EML6: variants seen among roughly 807,000 people sequenced by gnomAD.
EML6 encodes echinoderm microtubule-associated protein-like 6.
In EML6, 154 loss-of-function variants were observed where a neutral mutation model predicts 240.1. That is an observed-to-expected ratio of 0.64 (90% CI 0.56 to 0.73). The LOEUF is 0.73. Among genes scored for constraint, EML6 ranks in the 30% least tolerant of loss-of-function variants. The pLI, the probability that EML6 is intolerant of heterozygous loss-of-function variation, is 0.00. For missense variants in EML6, 2,964 were observed against 2,474.6 expected (o/e 1.20, Z -4.20); for synonymous variants, 1,148 against 899.0 (o/e 1.28, Z -4.95).
rs563384717 is a variant in EML6, at chr2:54,941,407, C to T, written c.4005-7475C>T. Among the ~76,000 whole-genome samples the T allele has an allele frequency of 1.8e-4, 27 of 152,318 alleles. No individual in the cohort carries two copies. In the Middle Eastern group the frequency reaches 0.017, roughly 96 times the overall value. ...GCATGGTGAAGTGGCACAGTGTCAA[C>T]GGCAAATGAGCAACCTGTGCTCCCA... is the stretch of plus-strand genomic sequence containing the variant. On this transcript the variant is annotated intron_variant, in intron 28 of 41. Transcript: ENST00000356458.
chr2:54,851,057 A>C (rs1347816), intron 10 of EML6, among the ~76,000 whole-genome samples: 1 of 151,852 alleles, frequency 6.6e-6, no homozygotes, highest in Non-Finnish European at 1.5e-5. Flanking sequence ...ATGCATGGGA[A>C]TGATACCTCA....
At chr2:54,854,499 T>A (rs766415867) in intron 11 of EML6, among the ~76,000 whole-genome samples, 21 of 152,242 alleles carry the variant, frequency 1.4e-4, no homozygotes, top group Non-Finnish European at 2.2e-4. Context: ...CTTTGCAAGT[T>A]TAGGCAAAGC....
intron 17 of EML6, 47 bp downstream of exon 17, chr2:54,879,687 C>T (rs1411726945): frequency 9.3e-7 from 1 of 1,076,412 alleles, no homozygotes; most frequent in Admixed American, 2.3e-5. Context: ...TACCACGGTT[C>T]AGTAAAGGTC....
chr2:54,821,442 T>C (rs963488135), intron 5 of EML6, among the ~76,000 whole-genome samples: 9 of 152,138 alleles, frequency 5.9e-5, no homozygotes, highest in Admixed American at 1.3e-4. Context: ...CGTCTAAAAT[T>C]TACAAATGTA....
rs903260317 is a variant in EML6, at chr2:54,825,642, T to C, written c.526-1924T>C. Among the ~76,000 whole-genome samples, 6 of 152,194 alleles carry C rather than the reference T, an allele frequency of 3.9e-5. 1 individual carries two copies. The highest frequency in any genetic ancestry group is 1.5e-5 in the Non-Finnish European group (1 of 68,036). ...AATGAGTTACCAGAGCTGATACCTTTTTCTGAGAAGAGAATCCGATTTGGT... is the reference window on the plus strand; with the variant it reads ...AATGAGTTACCAGAGCTGATACCTTCTTCTGAGAAGAGAATCCGATTTGGT... On this transcript the variant is annotated intron_variant, in intron 5 of 41. Coordinates refer to ENST00000356458, the MANE Select transcript of EML6 (RefSeq NM_001039753.4).
At chr2:54,918,326 A>G (rs1573140051) in intron 26 of EML6, among the ~76,000 whole-genome samples, 1 of 152,280 alleles carries the variant, frequency 6.6e-6, no homozygotes, top group African/African-American at 2.4e-5. Context: ...ATTCAGTTTT[A>G]CATTCCATTT....
intron 2 of EML6, among the ~76,000 whole-genome samples, chr2:54,801,823 G>A (rs914622355): frequency 3.9e-5 from 6 of 152,140 alleles, no homozygotes; most frequent in Non-Finnish European, 8.8e-5. Flanking sequence ...GTATTAAAAC[G>A]TCATGCCATC....
chr2:54,725,211 C>A lies in EML6; in HGVS notation c.150C>A (p.Arg50=), dbSNP rs1031350061. The change falls in exon 2 of 42, where the codon CGC becomes CGA. Residue 50 remains arginine (R), a synonymous_variant. Coordinates refer to ENST00000356458, the MANE Select transcript of EML6 (RefSeq NM_001039753.4). This position sits in a 1 kb window ranked among gnomAD's most constrained non-coding sequence, Gnocchi z 4.3. ...VAGVGVVYNT[R]EHSQKFFLGH... is the part of the protein sequence containing the mutation. ...GGGTCGGGGTGGTTTACAACACCCG[C>A]GAGCACAGCCAAAAATTCTTCCTGG... The A allele has an allele frequency of 1.3e-6, 2 of 1,499,238 alleles. No homozygotes were observed. The highest frequency in any genetic ancestry group is 2.8e-5 in the East Asian group (1 of 35,148). The allele number at this position is 1,499,238 out of a possible 1,614,324, so 92.9% of individuals were successfully genotyped here. A position where few individuals can be genotyped will look rare whatever the true frequency, so the allele number is the denominator to read the frequency against.
At chr2:54,963,008 G>C (rs1676590696) in intron 36 of EML6, among the ~76,000 whole-genome samples, 1 of 152,170 alleles carries the variant, frequency 6.6e-6, no homozygotes, top group African/African-American at 2.4e-5. Flanking sequence ...GAAATGTTCT[G>C]AAATGGGCCT....
chr2:54,734,517 C>A (rs1475106869), intron 2 of EML6, among the ~76,000 whole-genome samples: 2 of 152,142 alleles, frequency 1.3e-5, no homozygotes, highest in African/African-American at 4.8e-5. Flanking sequence ...TTTTTTATCC[C>A]CTGCTGGTCT....
chr2:54,867,772 G>C (rs4671983), intron 14 of EML6: 142,217 of 152,242 alleles, frequency 0.93, 66,549 homozygotes, highest in Middle Eastern at 0.99. Flanking sequence ...AATACCTGAA[G>C]AAGTCCTTCT....
intron 2 of EML6, among the ~76,000 whole-genome samples, chr2:54,811,753 C>G (rs1667858838): frequency 6.6e-6 from 1 of 152,182 alleles, no homozygotes; most frequent in Non-Finnish European, 1.5e-5. Context: ...TTGCAGTTTT[C>G]TGGGACATCT....
At chr2:54,915,471 G>T (rs1207562976) in intron 25 of EML6, among the ~76,000 whole-genome samples, 2 of 152,102 alleles carry the variant, frequency 1.3e-5, no homozygotes, top group Non-Finnish European at 2.9e-5. Context: ...CATCATAAGG[G>T]GTTGAGGGAC....
At position 54,960,448 on chromosome 2, in the gene EML6, A is replaced by G. The variant is rs557285372; in HGVS notation, c.4968+114A>G. On this transcript the variant is annotated intron_variant, in intron 35 of 41. Transcript: ENST00000356458. Reference sequence around the variant, plus strand: ...GTTTACTCCTTGAAACAAGGCCTCAATACATGAATTGTGCTGTAGTGGGAA... The same window carrying G: ...GTTTACTCCTTGAAACAAGGCCTCAGTACATGAATTGTGCTGTAGTGGGAA... 8.7e-5 allele frequency: 64 copies of G among 734,902 alleles called. 2 individuals are homozygous for G. The highest frequency in any genetic ancestry group is 8.3e-4 in the South Asian group (52 of 62,802). 45.5% of individuals were successfully genotyped at this position (734,902 alleles called of 1,614,324 possible).
intron 26 of EML6, among the ~76,000 whole-genome samples, chr2:54,927,318 G>A (rs1415779547): frequency 2.6e-5 from 4 of 152,202 alleles, no homozygotes; most frequent in African/African-American, 9.7e-5. Flanking sequence ...GTTTCCTGCT[G>A]TATGTCTGTG....
chr2:54,840,835 A>G (rs12713277), intron 7 of EML6, among the ~76,000 whole-genome samples: 67,843 of 152,132 alleles, frequency 0.45, 16,402 homozygotes, highest in South Asian at 0.63. Flanking sequence ...CAATAAATAC[A>G]GTAAAAGTAG....
rs1573217203 is a variant in EML6 at position 54,958,088 on chromosome 2, G to T, written c.4695+90G>T. On this transcript the variant is annotated intron_variant, in intron 33 of 41. Transcript: ENST00000356458. ...GGCAGGAGGGGAGTTTGGCCAAGAG[G>T]CTGAAAACAGCAGGAAAGCCATTTC... 1.1e-5 allele frequency: 12 copies of T among 1,131,702 alleles called. No homozygotes were observed. The East Asian group carries it at 2.8e-4, about 27-fold the overall frequency. The allele number at this position is 1,131,702 out of a possible 1,614,324, so 70.1% of individuals were successfully genotyped here.
intron 24 of EML6, among the ~76,000 whole-genome samples, chr2:54,908,503 C>G (rs1229698186): frequency 1.3e-5 from 2 of 152,084 alleles, no homozygotes; most frequent in African/African-American, 4.8e-5. Flanking sequence ...TTTATAGAAT[C>G]CAAGAGCAGG....
In EML6 at chr2:54,823,874, CTCTTTCTG is replaced by C. The variant is rs1444789983; in HGVS notation, c.525+3416_525+3423del. On this transcript the variant is annotated intron_variant, in intron 5 of 41. Transcript: ENST00000356458. The stretch of plus-strand genomic sequence containing the variant: ...ATTCTCTCTCTCTCTCTCTCTCTCT[CTCTTTCTG>C]TCTCTCTCTCTCTCTCTCAGAGAGA... Among the ~76,000 whole-genome samples, 129 of 143,750 alleles carry C rather than the reference CTCTTTCTG, an allele frequency of 9.0e-4. 1 individual carries two copies. Among genetic ancestry groups the C allele is most frequent in the African/African-American group, 2.3e-3 (85 of 36,846 alleles). The allele number at this position is 143,750 out of a possible 152,430, so 94.3% of individuals were successfully genotyped here.
Sources: allele counts gnomAD v4.1 joint callset (sites outside exome capture counted in the v4.1 genomes callset), GRCh38; gene constraint gnomAD v4.1.1; non-coding constraint Gnocchi (gnomAD v3.1); transcripts MANE v1.5; gene names NCBI Gene and HGNC (gene_info 2026-07-23, HGNC 2026-07-21).